Variants in CSNK2A1 observed in about 807,000 individuals in gnomAD.
CSNK2A1 encodes the protein casein kinase II subunit alpha.
CSNK2A1 carries 10 observed loss-of-function variants against 62.9 expected under a neutral mutation model. The ratio of observed to expected loss-of-function variants is 0.16; its 90% CI spans 0.10 to 0.27. The LOEUF (loss-of-function observed/expected upper bound fraction) is 0.27, where lower values mean the gene tolerates loss of function less well. Ranked by LOEUF, CSNK2A1 falls within the 10% of genes least tolerant of loss-of-function variation. CSNK2A1 has a pLI of 1.00. For synonymous variants in CSNK2A1, 124 were observed against 167.8 expected, an observed-to-expected ratio of 0.74 and a Z score of 2.02; for missense variants, 160 against 492.0, an observed-to-expected ratio of 0.33 and a Z score of 6.38.
chr20:508,868 T>C (rs1488630298), intron 2 of CSNK2A1, among the ~76,000 whole-genome samples: 1 of 152,222 alleles, frequency 6.6e-6, no homozygotes, highest in African/African-American at 2.4e-5. Flanking sequence ...TTTGCTTTAA[T>C]CATATTTTGC....
intron 7 of CSNK2A1, 51 bp from the exon 8 acceptor site, chr20:495,853 T>A (rs370547342): frequency 2.7e-6 from 4 of 1,497,594 alleles, no homozygotes; most frequent in Non-Finnish European, 3.7e-6. Flanking sequence ...TACGTAAGAG[T>A]CCTTTACTTT....
At chr20:535,970 A>C (rs2019311300) in intron 1 of CSNK2A1, among the ~76,000 whole-genome samples, 1 of 152,184 alleles carries the variant, frequency 6.6e-6, no homozygotes, top group South Asian at 2.1e-4. Context: ...ACTGGGAGTA[A>C]GACCTCTGAT....
In CSNK2A1 at chr20:499,791, A is replaced by G; in HGVS notation, c.315+42T>C. On this transcript the variant is annotated intron_variant, in intron 5 of 13. Transcript: ENST00000217244. The surrounding 1 kb of genome is among the most constrained non-coding windows in gnomAD (Gnocchi z 4.2). ...CCAGTTGTGCTCCAGGTCAAACACCATCTCAGCTCTGGCGGGCCTTGCTAA... is the reference window on the plus strand; with the variant it reads ...CCAGTTGTGCTCCAGGTCAAACACCGTCTCAGCTCTGGCGGGCCTTGCTAA... 1 of 1,590,760 alleles carries G rather than the reference A, an allele frequency of 6.3e-7. No individual in the cohort carries two copies. The highest frequency in any genetic ancestry group is 1.7e-5 in the Admixed American group (1 of 59,746).
At chr20:526,286 C>T (rs996200272) in intron 2 of CSNK2A1, among the ~76,000 whole-genome samples, 2 of 151,728 alleles carry the variant, frequency 1.3e-5, no homozygotes, top group Non-Finnish European at 2.9e-5. Flanking sequence ...GCCTGGGCAA[C>T]AGAGTGCAAC....
intron 9 of CSNK2A1, among the ~76,000 whole-genome samples, chr20:490,335 C>CTTTTCTTT (rs1430310808): frequency 1.2e-5 from 1 of 84,804 alleles, no homozygotes; most frequent in African/African-American, 5.5e-5. Flanking sequence ...CTAGTTTTTT[C>CTTTTCTTT]TTTTTTTTTT....
chr20:514,111 C>G (rs978460655), intron 2 of CSNK2A1, among the ~76,000 whole-genome samples: 5 of 152,016 alleles, frequency 3.3e-5, no homozygotes, highest in African/African-American at 1.2e-4. Context: ...AATCCCAGCA[C>G]TCTGGCAGGA....
At chr20:528,183 T>C (rs993321817) in intron 1 of CSNK2A1, 134 bp from the exon 2 acceptor site, 6 of 152,232 alleles carry the variant, frequency 3.9e-5, no homozygotes, top group African/African-American at 1.2e-4. Context: ...TTAACCTACC[T>C]GATTAAAGTG....
At chr20:523,459 T>G (rs1178758168) in intron 2 of CSNK2A1, among the ~76,000 whole-genome samples, 2 of 152,198 alleles carry the variant, frequency 1.3e-5, no homozygotes, top group African/African-American at 4.8e-5. Context: ...GGAATACTAC[T>G]CAGTAATAAA....
chr20:526,442 C>T (rs2019091640), intron 2 of CSNK2A1, among the ~76,000 whole-genome samples: 1 of 151,918 alleles, frequency 6.6e-6, no homozygotes, highest in Non-Finnish European at 1.5e-5. Flanking sequence ...GAGACTCCAT[C>T]TCAAAAAAAT....
chr20:531,730 T>C (rs1027701826), intron 1 of CSNK2A1, among the ~76,000 whole-genome samples: 2 of 152,222 alleles, frequency 1.3e-5, no homozygotes, highest in Non-Finnish European at 2.9e-5. Context: ...ACTAAGTATA[T>C]GCCATTCTTT....
intron 2 of CSNK2A1, among the ~76,000 whole-genome samples, chr20:522,808 C>T (rs866884502): frequency 2.0e-5 from 3 of 152,130 alleles, no homozygotes; most frequent in African/African-American, 4.8e-5. Flanking sequence ...TGGGCTCAAG[C>T]GATCCTCCTG....
intron 13 of CSNK2A1, among the ~76,000 whole-genome samples, chr20:485,864 T>C (rs529212639): frequency 3.9e-5 from 6 of 152,318 alleles, no homozygotes; most frequent in African/African-American, 1.2e-4. Context: ...TGTAGTTCCT[T>C]TGGAATAACT....
chr20:506,137 A>C (rs1224325659), intron 3 of CSNK2A1: 2 of 152,064 alleles, frequency 1.3e-5, no homozygotes, highest in Non-Finnish European at 2.9e-5. Context: ...TGGCCTCCCA[A>C]AGTGCTGGGA....
intron 2 of CSNK2A1, among the ~76,000 whole-genome samples, chr20:525,035 G>A (rs1223785996): frequency 2.6e-5 from 4 of 152,114 alleles, no homozygotes; most frequent in African/African-American, 4.8e-5. Context: ...TGTGAACCTA[G>A]GAGTTTGAGG....
intron 3 of CSNK2A1, chr20:506,070 G>GA (rs1555765270): frequency 1.3e-5 from 2 of 151,000 alleles, no homozygotes; most frequent in African/African-American, 2.4e-5. Context: ...TAAAGACGGG[G>GA]TTTCACCGTG....
chr20:486,999 G>T (rs1034429190), intron 12 of CSNK2A1: 2 of 191,992 alleles, frequency 1.0e-5, no homozygotes, highest in Non-Finnish European at 1.1e-5. Flanking sequence ...CAGATGGGGT[G>T]GGTCTCAGTG....
intron 4 of CSNK2A1, 184 bp from the exon 5 acceptor site, chr20:500,118 T>C (rs569736676): frequency 5.4e-6 from 3 of 554,672 alleles, no homozygotes; most frequent in South Asian, 2.4e-5. Context: ...TGCAGGTACT[T>C]ACAAATGTTG....
chr20:506,486 A>C (rs1459783858), intron 3 of CSNK2A1: 1 of 152,172 alleles, frequency 6.6e-6, no homozygotes, highest in African/African-American at 2.4e-5. Flanking sequence ...GAGGTAATAA[A>C]CAGAGGTAGA....
chr20:521,551 T>C (rs1302098207), intron 2 of CSNK2A1, among the ~76,000 whole-genome samples: 1 of 152,164 alleles, frequency 6.6e-6, no homozygotes, highest in African/African-American at 2.4e-5. Context: ...TTCCCACTCC[T>C]AGGTATTTAC....
Sources: gnomAD v4.1 joint callset for allele counts (sites outside exome capture counted in the v4.1 genomes callset) on GRCh38, gnomAD v4.1.1 for gene constraint, Gnocchi (gnomAD v3.1) non-coding constraint, MANE v1.5 for transcripts, NCBI Gene and HGNC (gene_info 2026-07-23, HGNC 2026-07-21) for gene names.